FBXL2: variants seen among roughly 807,000 people sequenced by gnomAD.
FBXL2 encodes F-box/LRR-repeat protein 2.
FBXL2 carries 38 observed loss-of-function variants against 69.2 expected under a neutral mutation model. That is an observed-to-expected ratio of 0.55 (90% CI 0.42 to 0.72). The LOEUF is 0.72. FBXL2 is among the 30% of genes least tolerant of loss of function. The probability of loss-of-function intolerance (pLI) is 0.00; values close to 1 mark genes in which losing one functional copy is unlikely to be tolerated. For missense variants in FBXL2, 354 were observed against 520.3 expected, an observed-to-expected ratio of 0.68 and a Z score of 3.11; for synonymous variants, 192 against 201.3, an observed-to-expected ratio of 0.95 and a Z score of 0.39.
chr3:33,380,084 G>A (rs566873023), intron 13 of FBXL2, among the ~76,000 whole-genome samples: 4 of 152,014 alleles, frequency 2.6e-5, no homozygotes, highest in African/African-American at 7.2e-5. Flanking sequence ...AATTAGCTGG[G>A]CGTGGTGGCA....
downstream of FBXL2, chr3:33,392,678 T>G (rs145896449): frequency 5.4e-4 from 779 of 1,442,164 alleles, no homozygotes; most frequent in Non-Finnish European, 7.0e-4. Flanking sequence ...TAAAATGATT[T>G]TAAAACAGTA....
chr3:33,411,710 A>C, the FBXL2 span: 1 of 1,578,944 alleles, frequency 6.3e-7, no homozygotes, highest in South Asian at 1.1e-5. Flanking sequence ...AAGAAGTTAC[A>C]TAAAAACATC....
intron 2 of FBXL2, among the ~76,000 whole-genome samples, chr3:33,320,629 C>T (rs973629100): frequency 6.6e-6 from 1 of 151,880 alleles, no homozygotes; most frequent in African/African-American, 2.4e-5. Flanking sequence ...TACAGGCGTG[C>T]ACGACCATGC....
At position 33,349,061 on chromosome 3, in the gene FBXL2, C is replaced by T. The variant is rs1356421361; in HGVS notation, c.66-9906C>T. On this transcript the variant is annotated intron_variant, in intron 2 of 14. Coordinates refer to ENST00000484457, the MANE Select transcript of FBXL2 (RefSeq NM_012157.5). The stretch of plus-strand genomic sequence containing the variant: ...AATATAAGATCATATCATCATCAAA[C>T]AAGGATAATGTGACTTCTTCCTTTC... Among the ~76,000 whole-genome samples the T allele has an allele frequency of 1.0e-3, 157 of 152,126 alleles. 2 individuals are homozygous for T. Among genetic ancestry groups the T allele is most frequent in the Non-Finnish European group, 2.9e-5 (2 of 68,008 alleles).
At chr3:33,296,967 A>G (rs540272689) in intron 1 of FBXL2, among the ~76,000 whole-genome samples, 2 of 152,328 alleles carry the variant, frequency 1.3e-5, no homozygotes, top group South Asian at 4.1e-4. Flanking sequence ...CATTAAATCT[A>G]TAGATTAGTT....
intron 3 of FBXL2, 98 bp from the exon 4 acceptor site, chr3:33,359,185 G>A: frequency 9.2e-7 from 1 of 1,084,696 alleles, no homozygotes; most frequent in Admixed American, 2.4e-5. Context: ...TCAAAAATAG[G>A]AGTTTGGAAA....
intron 13 of FBXL2, 75 bp downstream of exon 13, chr3:33,378,816 T>A: frequency 6.2e-7 from 1 of 1,612,628 alleles, no homozygotes; most frequent in South Asian, 1.1e-5. Context: ...AGAAGCTGTT[T>A]GGGTTCTCTT....
intron 2 of FBXL2, among the ~76,000 whole-genome samples, chr3:33,304,433 T>C (rs1157000367): frequency 6.6e-6 from 1 of 152,148 alleles, no homozygotes; most frequent in Non-Finnish European, 1.5e-5. Flanking sequence ...AGAAATGTTT[T>C]TCACTCAAAA....
At chr3:33,281,705 T>G (rs1308210973) in intron 1 of FBXL2, among the ~76,000 whole-genome samples, 1 of 152,100 alleles carries the variant, frequency 6.6e-6, no homozygotes, top group Non-Finnish European at 1.5e-5. Flanking sequence ...CTCCAGCACC[T>G]GTTGTTTCCT....
intron 1 of FBXL2, among the ~76,000 whole-genome samples, chr3:33,295,616 G>T: frequency 6.6e-6 from 1 of 152,208 alleles, no homozygotes; most frequent in East Asian, 1.9e-4. Context: ...AAGTGGAGTT[G>T]CTGGGTCATA....
At chr3:33,396,709 C>G (rs915036717) in intron 12 of FBXL2, 2 of 515,740 alleles carry the variant, frequency 3.9e-6, no homozygotes, top group African/African-American at 1.9e-5. Flanking sequence ...TAGTAATAGT[C>G]ATGACCTTGA....
At chr3:33,402,070 T>C (rs950148491) in intron 12 of FBXL2, among the ~76,000 whole-genome samples, 2 of 152,214 alleles carry the variant, frequency 1.3e-5, no homozygotes, top group African/African-American at 4.8e-5. Flanking sequence ...GGAGAACCTT[T>C]TTCTTTGTGA....
chr3:33,312,491 A>G (rs188578514), intron 2 of FBXL2, among the ~76,000 whole-genome samples: 53 of 152,256 alleles, frequency 3.5e-4, no homozygotes, highest in East Asian at 1.5e-3. Context: ...ATTGGTGTCT[A>G]TGCATTTGAA....
intron 2 of FBXL2, among the ~76,000 whole-genome samples, chr3:33,314,212 A>G (rs1190704688): frequency 6.6e-6 from 1 of 152,164 alleles, no homozygotes; most frequent in African/African-American, 2.4e-5. Flanking sequence ...ATATTCTATA[A>G]TGATTACCAC....
rs2043509571 is a variant in FBXL2 at position 33,387,289 on chromosome 3, G to A, written c.*1681G>A. 6.6e-6 allele frequency: 1 copy of A among 152,002 alleles called. No individual in the cohort carries two copies. The highest frequency in any genetic ancestry group is 6.5e-5 in the Admixed American group (1 of 15,268). The allele number at this position is 152,002 out of a possible 1,614,324, so 9.4% of individuals were successfully genotyped here. A position where few individuals can be genotyped will look rare whatever the true frequency, so the allele number is the denominator to read the frequency against. On this transcript the variant is annotated 3_prime_UTR_variant, in exon 15 of 15. Transcript: ENST00000484457. ...GACTTGCTTCAGTGATTATGAATTA[G>A]TTTAGTTTCTATTAAAAAAAATTAA...
chr3:33,281,238 C>T (rs1200150220), intron 1 of FBXL2, among the ~76,000 whole-genome samples: 1 of 152,032 alleles, frequency 6.6e-6, no homozygotes, highest in African/African-American at 2.4e-5. Flanking sequence ...TGTTCCCCAC[C>T]CTGTGTCCAA....
At chr3:33,416,252 CAG>C in the FBXL2 span, among the ~76,000 whole-genome samples, 39 of 152,286 alleles carry the variant, frequency 2.6e-4, no homozygotes, top group African/African-American at 8.9e-4. Flanking sequence ...ATGATGGATA[CAG>C]GCTAGGAGGG....
At chr3:33,397,107 C>T (rs906397962) in intron 12 of FBXL2, 3 of 1,598,562 alleles carry the variant, frequency 1.9e-6, no homozygotes, top group African/African-American at 2.7e-5. Context: ...GAACTAAATC[C>T]TCCTTTGTCA....
intron 12 of FBXL2, chr3:33,396,148 C>A: frequency 6.5e-7 from 1 of 1,529,022 alleles, no homozygotes; most frequent in Non-Finnish European, 9.0e-7. Flanking sequence ...AATTGAGATG[C>A]CCTCAATACC....
Sources: gnomAD v4.1 joint callset for allele counts (sites outside exome capture counted in the v4.1 genomes callset) on GRCh38, gnomAD v4.1.1 for gene constraint, MANE v1.5 for transcripts, NCBI Gene and HGNC (gene_info 2026-07-23, HGNC 2026-07-21) for gene names.